The following DYSF variants were observed in gnomAD, a reference collection of about 807,000 sequenced individuals.
DYSF encodes the protein dystrophy-associated fer-1-like 1.
DYSF carries 212 observed loss-of-function variants against 274.9 expected under a neutral mutation model. The observed-to-expected ratio is 0.77, with a 90% CI of 0.69 to 0.86. The LOEUF (loss-of-function observed/expected upper bound fraction) is 0.86, where lower values mean the gene tolerates loss of function less well. Among genes scored for constraint, DYSF ranks in the 40% least tolerant of loss-of-function variants. The probability of loss-of-function intolerance (pLI) is 0.00; values close to 1 mark genes in which losing one functional copy is unlikely to be tolerated. For missense variants in DYSF, 2,666 were observed against 2,783.2 expected, an observed-to-expected ratio of 0.96 and a Z score of 0.95; for synonymous variants, 1,091 against 1,078.7, an observed-to-expected ratio of 1.01 and a Z score of -0.22.
intron 22 of DYSF, among the ~76,000 whole-genome samples, chr2:71,557,491 G>C (rs2091419006): frequency 6.6e-6 from 1 of 152,180 alleles, no homozygotes; most frequent in African/African-American, 2.4e-5. Context: ...CCGAGGGAAA[G>C]GTGATCCCAG....
At chr2:71,492,233 G>A (rs574023154) in intron 3 of DYSF, among the ~76,000 whole-genome samples, 2 of 152,292 alleles carry the variant, frequency 1.3e-5, no homozygotes, top group African/African-American at 2.4e-5. Flanking sequence ...GATACTGGCC[G>A]GAAGGCTGCC....
chr2:71,682,486 C>T, intron 54 of DYSF, 44 bp from the exon 55 acceptor site: 1 of 1,613,806 alleles, frequency 6.2e-7, no homozygotes, highest in Non-Finnish European at 8.5e-7. Flanking sequence ...AGAAAGCAGC[C>T]CTAGTAAAGG....
At chr2:71,490,043 G>A (rs1364226294) in intron 3 of DYSF, among the ~76,000 whole-genome samples, 1 of 152,188 alleles carries the variant, frequency 6.6e-6, no homozygotes, top group East Asian at 1.9e-4. Flanking sequence ...GATCCATATA[G>A]ATGCACTTAC....
At chr2:71,474,616 G>C (rs146409483) in intron 1 of DYSF, among the ~76,000 whole-genome samples, 1 of 152,102 alleles carries the variant, frequency 6.6e-6, no homozygotes, top group Non-Finnish European at 1.5e-5. Context: ...TGAATGTTTC[G>C]TTTCTTTCTT....
intron 52 of DYSF, among the ~76,000 whole-genome samples, chr2:71,674,618 G>A (rs1258025441): frequency 6.6e-6 from 1 of 152,256 alleles, no homozygotes; most frequent in Non-Finnish European, 1.5e-5. Flanking sequence ...CAGCTGTCTG[G>A]CCTCACATTT....
At chr2:71,454,431 G>A (rs906823898) in intron 1 of DYSF, among the ~76,000 whole-genome samples, 4 of 152,108 alleles carry the variant, frequency 2.6e-5, no homozygotes, top group African/African-American at 9.7e-5. Flanking sequence ...TGTACTGCAG[G>A]GCTCTCCTCC....
chr2:71,673,042 T>C (rs913756104), intron 51 of DYSF, among the ~76,000 whole-genome samples: 2 of 152,192 alleles, frequency 1.3e-5, no homozygotes, highest in African/African-American at 4.8e-5. Flanking sequence ...AGGCCCTGGC[T>C]GGACAGCAAG....
intron 51 of DYSF, among the ~76,000 whole-genome samples, chr2:71,671,972 T>A (rs1431331612): frequency 6.7e-6 from 1 of 150,016 alleles, no homozygotes; most frequent in Non-Finnish European, 1.5e-5. Context: ...GGAGCAGGGG[T>A]GGCGAGGAGG....
chr2:71,580,237 G>C (rs1198200411), intron 30 of DYSF, among the ~76,000 whole-genome samples: 1 of 152,234 alleles, frequency 6.6e-6, no homozygotes, highest in Non-Finnish European at 1.5e-5. Flanking sequence ...AGCTAGAGAG[G>C]AGCTGGCCCC....
At chr2:71,582,017 G>T (rs993163074) in intron 30 of DYSF, among the ~76,000 whole-genome samples, 2 of 140,730 alleles carry the variant, frequency 1.4e-5, no homozygotes, top group East Asian at 4.5e-4. Context: ...TGAGACAGGA[G>T]AATTGCTTGA....
At chr2:71,650,188 A>G (rs1019421205) in intron 42 of DYSF, among the ~76,000 whole-genome samples, 1 of 152,200 alleles carries the variant, frequency 6.6e-6, no homozygotes. Flanking sequence ...GGAGACAAAA[A>G]TGTCAGAGGA....
At chr2:71,556,194 C>T (rs1355640659) in intron 22 of DYSF, 123 bp downstream of exon 22, 3 of 806,436 alleles carry the variant, frequency 3.7e-6, no homozygotes, top group African/African-American at 3.4e-5. Flanking sequence ...GGCCAGCAGT[C>T]CAGCCCGTGC....
chr2:71,683,183 C>T (rs1217334900), intron 55 of DYSF, among the ~76,000 whole-genome samples: 1 of 152,160 alleles, frequency 6.6e-6, no homozygotes, highest in East Asian at 1.9e-4. Flanking sequence ...TGTCCTGCCT[C>T]CTGCAGCAGG....
chr2:71,493,666 A>G (rs1409949690), intron 3 of DYSF, among the ~76,000 whole-genome samples: 1 of 152,106 alleles, frequency 6.6e-6, no homozygotes, highest in Non-Finnish European at 1.5e-5. Context: ...AGCCTGGCCA[A>G]CATGGTGAAA....
intron 12 of DYSF, among the ~76,000 whole-genome samples, chr2:71,523,543 C>CTT (rs10718722): frequency 1.6e-4 from 15 of 96,356 alleles, no homozygotes; most frequent in South Asian, 1.3e-3. Context: ...CACCAGTCAT[C>CTT]TTTTTTTTTT....
At chr2:71,608,353 C>T (rs919334234) in intron 36 of DYSF, among the ~76,000 whole-genome samples, 2 of 151,918 alleles carry the variant, frequency 1.3e-5, no homozygotes, top group Non-Finnish European at 2.9e-5. Context: ...AGCATTTGGA[C>T]GCATGGTCAG....
At chr2:71,577,934 A>G (rs1406142202) in intron 30 of DYSF, among the ~76,000 whole-genome samples, 1 of 152,012 alleles carries the variant, frequency 6.6e-6, no homozygotes, top group Non-Finnish European at 1.5e-5. Flanking sequence ...CATTGGTGGG[A>G]TGGGTGAGGC....
intron 2 of DYSF, among the ~76,000 whole-genome samples, chr2:71,481,447 G>T (rs1254996658): frequency 6.6e-6 from 1 of 152,220 alleles, no homozygotes. Flanking sequence ...GGGTCATGGG[G>T]GCCTAGCCAA....
intron 16 of DYSF, among the ~76,000 whole-genome samples, chr2:71,537,165 A>T (rs2089427467): frequency 6.8e-6 from 1 of 147,744 alleles, no homozygotes; most frequent in Non-Finnish European, 1.5e-5. Flanking sequence ...ACTGTCACTC[A>T]TCTGGTGCTG....
Sources: gnomAD v4.1 joint callset for allele counts (sites outside exome capture counted in the v4.1 genomes callset) on GRCh38, gnomAD v4.1.1 for gene constraint, MANE v1.5 for transcripts, NCBI Gene and HGNC (gene_info 2026-07-23, HGNC 2026-07-21) for gene names.